Variants in PCDH15 observed in about 807,000 individuals in gnomAD.
PCDH15 encodes protocadherin related 15, also known as protocadherin-15.
In PCDH15, 129 loss-of-function variants were observed where a neutral mutation model predicts 178.5. The ratio of observed to expected loss-of-function variants is 0.72; its 90% confidence interval spans 0.63 to 0.84. The LOEUF (loss-of-function observed/expected upper bound fraction) is 0.84. Among genes scored for constraint, PCDH15 ranks in the 40% least tolerant of loss-of-function variants. PCDH15 has a pLI of 0.00. For missense variants in PCDH15, 2,230 were observed against 2,099.9 expected, an observed-to-expected ratio of 1.06 and a Z score of -1.21; for synonymous variants, 800 against 732.0, an observed-to-expected ratio of 1.09 and a Z score of -1.50.
chr10:54,367,257 G>A (rs1484472897), intron 5 of PCDH15, among the ~76,000 whole-genome samples: 1 of 152,048 alleles, frequency 6.6e-6, no homozygotes, highest in Non-Finnish European at 1.5e-5. Flanking sequence ...TCAGATTATG[G>A]AAAAGCTTGA....
At chr10:54,015,867 A>G in intron 20 of PCDH15, among the ~76,000 whole-genome samples, 1 of 102,592 alleles carries the variant, frequency 9.7e-6, no homozygotes, top group Admixed American at 1.1e-4. Context: ...AGATGCCAAA[A>G]GCAATTTTAA....
intron 8 of PCDH15, among the ~76,000 whole-genome samples, chr10:54,278,779 A>G (rs1220590749): frequency 6.6e-6 from 1 of 151,546 alleles, no homozygotes; most frequent in Non-Finnish European, 1.5e-5. Flanking sequence ...ATATGTATAC[A>G]TTTTAGAATG....
rs550935927 is a variant in PCDH15, at chr10:54,098,406, C to A, written c.1918-8343G>T. Reference sequence around the variant, plus strand: ...ATTGGACATGAATATTCATTGCTAACATGAATGGCTCAAGATAAAGGAGGT... The same window carrying A: ...ATTGGACATGAATATTCATTGCTAAAATGAATGGCTCAAGATAAAGGAGGT... On this transcript the variant is annotated intron_variant, in intron 15 of 37. Coordinates refer to ENST00000644397, the MANE Select transcript of PCDH15 (RefSeq NM_001384140.1). Among the ~76,000 whole-genome samples, 8 of 152,150 alleles carry A rather than the reference C, an allele frequency of 5.3e-5. No homozygotes were observed. In the South Asian group the frequency reaches 1.7e-3, roughly 32 times the overall value.
At chr10:55,357,519 T>C (rs1845109874) in intron 2 of PCDH15, among the ~76,000 whole-genome samples, 2 of 152,016 alleles carry the variant, frequency 1.3e-5, no homozygotes, top group Non-Finnish European at 2.9e-5. Flanking sequence ...TTAATTATCT[T>C]ATTATACTCA....
chr10:54,201,682 T>C (rs184750072), intron 10 of PCDH15, among the ~76,000 whole-genome samples: 100 of 152,322 alleles, frequency 6.6e-4, no homozygotes, highest in Non-Finnish European at 1.6e-4. Flanking sequence ...TAAATATTTT[T>C]TTAAAAATTA....
At chr10:55,566,367 G>C (rs539021077) in intron 2 of PCDH15, among the ~76,000 whole-genome samples, 1 of 151,368 alleles carries the variant, frequency 6.6e-6, no homozygotes, top group African/African-American at 2.4e-5. Flanking sequence ...ATAGTCAATC[G>C]TGAAAAACTT....
At position 53,805,807 on chromosome 10, in the gene PCDH15, G is replaced by T. The variant is rs1841112596; in HGVS notation, c.*772C>A. On this transcript the variant is annotated 3_prime_UTR_variant, in exon 38 of 38. Transcript: ENST00000644397. ...CACTTCCCTAAAAGCTTTTGCTAAGGGTGAGATTTCCATGTTGCTCCAAAC... is the reference window on the plus strand; with the variant it reads ...CACTTCCCTAAAAGCTTTTGCTAAGTGTGAGATTTCCATGTTGCTCCAAAC... The T allele has an allele frequency of 6.6e-6, 1 of 151,932 alleles. No homozygotes were observed. The highest frequency in any genetic ancestry group is 1.5e-5 in the Non-Finnish European group (1 of 67,982). 9.4% of individuals were successfully genotyped at this position (151,932 alleles called of 1,614,324 possible).
At chr10:54,942,416 T>C (rs1838086626) in intron 2 of PCDH15, among the ~76,000 whole-genome samples, 1 of 151,628 alleles carries the variant, frequency 6.6e-6, no homozygotes, top group African/African-American at 2.4e-5. Flanking sequence ...TATTTGTAAA[T>C]AATTTTCACG....
At chr10:55,335,299 A>G (rs558003042) in intron 2 of PCDH15, among the ~76,000 whole-genome samples, 2 of 152,270 alleles carry the variant, frequency 1.3e-5, no homozygotes, top group East Asian at 1.9e-4. Context: ...GCAGGTGAAA[A>G]AGTTCTGGAG....
intron 2 of PCDH15, among the ~76,000 whole-genome samples, chr10:55,379,400 T>C (rs1837480528): frequency 6.6e-6 from 1 of 152,124 alleles, no homozygotes; most frequent in Non-Finnish European, 1.5e-5. Context: ...GCTGAATCAG[T>C]ATAAAAAATC....
intron 26 of PCDH15, 54 bp downstream of exon 26, chr10:53,903,189 C>T: frequency 1.2e-6 from 2 of 1,602,794 alleles, no homozygotes; most frequent in Non-Finnish European, 1.7e-6. Context: ...TACAGCTTAT[C>T]TGCAAAACCT....
intron 8 of PCDH15, among the ~76,000 whole-genome samples, chr10:54,260,506 A>G (rs2057236717): frequency 2.6e-5 from 2 of 77,092 alleles, no homozygotes. Flanking sequence ...TTTCATTTTA[A>G]TGATTTATAT....
intron 5 of PCDH15, among the ~76,000 whole-genome samples, chr10:54,351,471 A>T (rs1392073769): frequency 2.0e-5 from 3 of 152,158 alleles, no homozygotes; most frequent in Admixed American, 6.5e-5. Flanking sequence ...CATCAATTGT[A>T]GAAACTGGTT....
At chr10:55,295,928 A>G (rs900053039) in intron 1 of PCDH15, among the ~76,000 whole-genome samples, 2 of 151,960 alleles carry the variant, frequency 1.3e-5, no homozygotes, top group Non-Finnish European at 2.9e-5. Context: ...CCCACACTTC[A>G]GACACTAATC....
intron 2 of PCDH15, among the ~76,000 whole-genome samples, chr10:55,582,273 C>T (rs1188024241): frequency 6.6e-6 from 1 of 152,044 alleles, no homozygotes; most frequent in African/African-American, 2.4e-5. Flanking sequence ...AAATAGTGGC[C>T]CTTGCTTGTC....
intron 8 of PCDH15, among the ~76,000 whole-genome samples, chr10:54,240,626 C>CTTTTTTTTTTTTTTTTT (rs1228784141): frequency 1.3e-5 from 1 of 79,664 alleles, no homozygotes; most frequent in Non-Finnish European, 2.3e-5. Context: ...TTTTCTTTTG[C>CTTTTTTTTTTTTTTTTT]TTTTTTTTTT....
At chr10:54,572,658 C>T (rs1340127485) in intron 2 of PCDH15, among the ~76,000 whole-genome samples, 2 of 152,020 alleles carry the variant, frequency 1.3e-5, no homozygotes, top group South Asian at 4.2e-4. Flanking sequence ...TCATAGAAGG[C>T]ATTTCCAAAT....
intron 1 of PCDH15, among the ~76,000 whole-genome samples, chr10:55,269,646 G>A (rs774194290): frequency 2.2e-4 from 34 of 151,986 alleles, no homozygotes; most frequent in Non-Finnish European, 3.4e-4. Flanking sequence ...ACAAAGAAAA[G>A]GGAAAACATT....
chr10:55,208,415 A>T (rs542262358), intron 1 of PCDH15, among the ~76,000 whole-genome samples: 1 of 152,044 alleles, frequency 6.6e-6, no homozygotes, highest in Admixed American at 6.5e-5. Context: ...CTCATACCAC[A>T]ACCTGCTTCC....
Sources: allele counts gnomAD v4.1 joint callset (sites outside exome capture counted in the v4.1 genomes callset), GRCh38; gene constraint gnomAD v4.1.1; transcripts MANE v1.5; gene names NCBI Gene and HGNC (gene_info 2026-07-23, HGNC 2026-07-21).